CFDP1: variants seen among roughly 807,000 people sequenced by gnomAD.
The protein encoded by CFDP1 is heterochromatin-stabilizing protein CFDP1.
Under a neutral mutation model 40.1 loss-of-function variants are expected in CFDP1, and 31 were observed. The ratio of observed to expected loss-of-function variants is 0.77; its 90% CI spans 0.58 to 1.04. The LOEUF (loss-of-function observed/expected upper bound fraction) is 1.04. Ranked by LOEUF, CFDP1 falls within the 50% of genes least tolerant of loss-of-function variation. The probability of loss-of-function intolerance (pLI) is 0.00; values close to 1 mark genes in which losing one functional copy is unlikely to be tolerated. For synonymous variants in CFDP1, 167 were observed against 120.0 expected, an observed-to-expected ratio of 1.39 and a Z score of -2.56; for missense variants, 423 against 343.4, an observed-to-expected ratio of 1.23 and a Z score of -1.83.
At chr16:75,384,900 T>TATATATA (rs1567665491) in intron 5 of CFDP1, among the ~76,000 whole-genome samples, 9 of 113,096 alleles carry the variant, frequency 8.0e-5, no homozygotes, top group African/African-American at 3.3e-4. Flanking sequence ...ATATATATAT[T>TATATATA]GCAGACCAGT....
chr16:75,413,222 A>G (rs1196079292), intron 2 of CFDP1, among the ~76,000 whole-genome samples: 1 of 152,220 alleles, frequency 6.6e-6, no homozygotes, highest in Non-Finnish European at 1.5e-5. Context: ...GAAAAAGAAA[A>G]AAATCCATGT....
At chr16:75,424,771 A>AG (rs1491548811) in intron 1 of CFDP1, among the ~76,000 whole-genome samples, 4 of 143,336 alleles carry the variant, frequency 2.8e-5, no homozygotes, top group African/African-American at 1.0e-4. Flanking sequence ...AAAAAAAAAA[A>AG]AGATTGGGAA....
chr16:75,298,198 A>G (rs2078197516), intron 6 of CFDP1, among the ~76,000 whole-genome samples: 1 of 152,254 alleles, frequency 6.6e-6, no homozygotes, highest in Non-Finnish European at 1.5e-5. Context: ...ATGACGTAAA[A>G]GCAAATATTT....
chr16:75,430,389 T>TC (rs1381879820), intron 1 of CFDP1, among the ~76,000 whole-genome samples: 4 of 152,206 alleles, frequency 2.6e-5, no homozygotes, highest in South Asian at 2.1e-4. Flanking sequence ...CAGACTGGTC[T>TC]CCAACTCCTG....
intron 5 of CFDP1, among the ~76,000 whole-genome samples, chr16:75,314,483 T>C (rs1242222639): frequency 6.6e-6 from 1 of 151,010 alleles, no homozygotes; most frequent in Non-Finnish European, 1.5e-5. Flanking sequence ...GGGATAGGAG[T>C]TGGGGGTGGT....
chr16:75,410,444 T>C (rs1266572573), intron 4 of CFDP1, among the ~76,000 whole-genome samples: 1 of 152,198 alleles, frequency 6.6e-6, no homozygotes, highest in Non-Finnish European at 1.5e-5. Context: ...TAAATAAACC[T>C]TATTAATCAA....
At position 75,304,716 on chromosome 16, in the gene CFDP1, C is replaced by T. The variant is rs540541051; in HGVS notation, c.809+308G>A. On this transcript the variant is annotated intron_variant, in intron 6 of 6. Coordinates refer to ENST00000283882, the MANE Select transcript of CFDP1 (RefSeq NM_006324.3). The stretch of plus-strand genomic sequence containing the variant: ...TAAGGCCAAGGCTGCTACCACAGGC[C>T]AGATCCAACCACTAGGCAACTTACA... 7.2e-5 allele frequency among the ~76,000 whole-genome samples: 11 copies of T among 152,324 alleles called. No homozygotes were observed. The South Asian group carries it at 2.3e-3, about 32-fold the overall frequency.
At chr16:75,423,418 G>T (rs552988169) in intron 1 of CFDP1, among the ~76,000 whole-genome samples, 9 of 152,264 alleles carry the variant, frequency 5.9e-5, no homozygotes, top group African/African-American at 1.9e-4. Context: ...CTGCACTCCA[G>T]TCTGGGTAAT....
chr16:75,338,075 G>A (rs1290235254), intron 5 of CFDP1, among the ~76,000 whole-genome samples: 1 of 152,168 alleles, frequency 6.6e-6, no homozygotes, highest in Admixed American at 6.5e-5. Flanking sequence ...TTACTTCAAA[G>A]GTTCTGCTCT....
chr16:75,400,526 C>T (rs8051151), intron 4 of CFDP1, among the ~76,000 whole-genome samples: 30,822 of 151,948 alleles, frequency 0.2, 3,323 homozygotes, highest in African/African-American at 0.26. Context: ...AGCAGCTAGG[C>T]CCCAGATCCC....
At chr16:75,341,144 A>C (rs1374106684) in intron 5 of CFDP1, among the ~76,000 whole-genome samples, 1 of 152,164 alleles carries the variant, frequency 6.6e-6, no homozygotes, top group Non-Finnish European at 1.5e-5. Context: ...ATTCCTAATG[A>C]TGCTATGTGC....
At chr16:75,393,737 C>CAAAAA (rs61344775) in intron 5 of CFDP1, among the ~76,000 whole-genome samples, 35 of 80,612 alleles carry the variant, frequency 4.3e-4, no homozygotes, top group African/African-American at 1.7e-3. Flanking sequence ...GACTCCGTCG[C>CAAAAA]AAAAAAAAAA....
At chr16:75,355,783 C>T (rs1284656070) in intron 5 of CFDP1, among the ~76,000 whole-genome samples, 2 of 152,198 alleles carry the variant, frequency 1.3e-5, no homozygotes, top group African/African-American at 4.8e-5. Context: ...CTCTCTCCTG[C>T]CACCCTGTGA....
chr16:75,414,975 T>A (rs376525781), intron 1 of CFDP1, among the ~76,000 whole-genome samples: 1 of 152,214 alleles, frequency 6.6e-6, no homozygotes, highest in African/African-American at 2.4e-5. Flanking sequence ...TGCTGTGCTG[T>A]ATACTCCAAG....
At chr16:75,340,528 G>A (rs2078519639) in intron 5 of CFDP1, among the ~76,000 whole-genome samples, 1 of 152,156 alleles carries the variant, frequency 6.6e-6, no homozygotes, top group Non-Finnish European at 1.5e-5. Context: ...TTGTCAGAGT[G>A]AGTAGGAAAA....
At chr16:75,362,389 AG>A (rs2078685538) in intron 5 of CFDP1, among the ~76,000 whole-genome samples, 1 of 152,232 alleles carries the variant, frequency 6.6e-6, no homozygotes, top group Non-Finnish European at 1.5e-5. Context: ...TTCTCCTTTG[AG>A]GAGTCAACCT....
intron 5 of CFDP1, among the ~76,000 whole-genome samples, chr16:75,324,387 A>G (rs1453783741): frequency 2.0e-5 from 3 of 152,086 alleles, no homozygotes; most frequent in African/African-American, 7.2e-5. Context: ...TGTTGTCCTC[A>G]CTCTTATCCT....
At chr16:75,359,943 A>T (rs1005157968) in intron 5 of CFDP1, among the ~76,000 whole-genome samples, 4 of 152,196 alleles carry the variant, frequency 2.6e-5, no homozygotes, top group Admixed American at 6.5e-5. Context: ...TGATCTGCTG[A>T]GAGACAACAG....
chr16:75,328,647 T>A, intron 5 of CFDP1, among the ~76,000 whole-genome samples: 1 of 127,550 alleles, frequency 7.8e-6, no homozygotes, highest in Admixed American at 7.6e-5. Flanking sequence ...AGTCAATAAA[T>A]ACTGATAAAT....
Sources: allele counts gnomAD v4.1 joint callset (sites outside exome capture counted in the v4.1 genomes callset), GRCh38; gene constraint gnomAD v4.1.1; transcripts MANE v1.5; gene names NCBI Gene and HGNC (gene_info 2026-07-23, HGNC 2026-07-21).